CDH22: variants seen among roughly 807,000 people sequenced by gnomAD.
CDH22 encodes cadherin 22.
Under a neutral mutation model 58.4 loss-of-function variants are expected in CDH22, and 30 were observed. The observed-to-expected ratio is 0.51, with a 90% confidence interval of 0.38 to 0.70. The LOEUF is 0.70. Among genes scored for constraint, CDH22 ranks in the 30% least tolerant of loss-of-function variants. The pLI is 0.00. For missense variants in CDH22, 1,014 were observed against 1,233.9 expected (o/e 0.82, Z 2.67); for synonymous variants, 513 against 558.2 (o/e 0.92, Z 1.14).
At chr20:46,219,246 C>CT (rs1165744201) in intron 4 of CDH22, among the ~76,000 whole-genome samples, 1 of 152,222 alleles carries the variant, frequency 6.6e-6, no homozygotes, top group Non-Finnish European at 1.5e-5. Flanking sequence ...AGGCCCCCTC[C>CT]TGACCCCTTC....
Position 46,216,970 on chromosome 20 carries a change from C to T in CDH22, c.694G>A (p.Asp232Asn), listed in dbSNP as rs769728210. The stretch of plus-strand genomic sequence containing the variant: ...CGCTCCTGGCTCTCGCGGTCAAGGT[C>T]AGGCACAGCCGTCCGGATTACGCCT... ...KTGVIRTAVP[D>N]LDRESQERYE... Residue 232 changes from aspartate to asparagine, a missense_variant, in exon 5 of 12, where the codon GAC becomes AAC. Around this residue, in one of 2 missense-constraint regions of CDH22, gnomAD observed 806 missense variants for 1,038.7 expected, o/e 0.78. Transcript: ENST00000537909. The surrounding 1 kb of genome is among the most constrained non-coding windows in gnomAD (Gnocchi z 5.3). 5 of 1,599,402 alleles carry T rather than the reference C, an allele frequency of 3.1e-6. No individual in the cohort carries two copies. The South Asian group carries it at 3.3e-5, about 11-fold the overall frequency.
chr20:46,195,833 G>C (rs2085896471), intron 8 of CDH22, among the ~76,000 whole-genome samples: 2 of 152,218 alleles, frequency 1.3e-5, no homozygotes, highest in African/African-American at 4.8e-5. Context: ...AGTGGCTCGG[G>C]AGTCTTTGAG....
intron 8 of CDH22, among the ~76,000 whole-genome samples, chr20:46,189,092 G>C (rs2085845937): frequency 6.6e-6 from 1 of 152,186 alleles, no homozygotes; most frequent in South Asian, 2.1e-4. Context: ...TAGGAAGGCA[G>C]GTGCAGCCAC....
Position 46,238,810 on chromosome 20 carries a change from C to T in CDH22, c.550+2153G>A, listed in dbSNP as rs114755732. On this transcript the variant is annotated intron_variant, in intron 3 of 11. Transcript: ENST00000537909. ...TCACTTCCTGTTCACAGGCCACCTG[C>T]TTCTGCTCTTGCCCTCTTTTCTGCC... Among the ~76,000 whole-genome samples the T allele has an allele frequency of 3.9e-3, 595 of 152,370 alleles. 4 individuals carry two copies. The highest frequency in any genetic ancestry group is 0.014 in the African/African-American group (573 of 41,582).
chr20:46,184,116 T>TA (rs1359412714), intron 10 of CDH22, among the ~76,000 whole-genome samples: 16 of 150,666 alleles, frequency 1.1e-4, no homozygotes, highest in African/African-American at 3.9e-4. Context: ...TTTTTTTTTT[T>TA]AGATGGAGTT....
intron 3 of CDH22, among the ~76,000 whole-genome samples, chr20:46,229,042 T>C (rs932032695): frequency 1.4e-4 from 22 of 152,182 alleles, no homozygotes; most frequent in African/African-American, 5.3e-4. Context: ...TGCGCCTCTC[T>C]CTTTGGCCAC....
At chr20:46,265,595 A>G (rs2086455578) in intron 1 of CDH22, among the ~76,000 whole-genome samples, 1 of 151,964 alleles carries the variant, frequency 6.6e-6, no homozygotes, top group Non-Finnish European at 1.5e-5. Context: ...ATTTCTGACC[A>G]TCTTAGTTTA....
chr20:46,229,643 C>T (rs970694110), intron 3 of CDH22, among the ~76,000 whole-genome samples: 8 of 152,216 alleles, frequency 5.3e-5, no homozygotes, highest in African/African-American at 1.9e-4. Flanking sequence ...AGTGCCTGAA[C>T]CATGCCAAGA....
chr20:46,287,863 G>A lies in CDH22; in HGVS notation c.-400+20392C>T, dbSNP rs77776347. 8.9e-4 allele frequency among the ~76,000 whole-genome samples: 136 copies of A among 152,244 alleles called. 2 individuals are homozygous for A. In the East Asian group the frequency reaches 0.021, roughly 24 times the overall value. ...GGCTGAGAATGAAACACGGACATGG[G>A]AGAGGAGGATGTTGTCCAGGTGAAC... is the stretch of plus-strand genomic sequence containing the variant. On this transcript the variant is annotated intron_variant, in intron 1 of 11. Transcript: ENST00000537909.
In CDH22 at chr20:46,174,420, G is replaced by T; in HGVS notation, c.*86C>A. On this transcript the variant is annotated 3_prime_UTR_variant, in exon 12 of 12. Transcript: ENST00000537909. This position sits in a 1 kb window ranked among gnomAD's most constrained non-coding sequence, Gnocchi z 4.4. ...GGAGGGTTGGGGGAGGGCAGGAAAGGGGGTCCGCGGGGGAAACGCGTTGTC... is the reference window on the plus strand; with the variant it reads ...GGAGGGTTGGGGGAGGGCAGGAAAGTGGGTCCGCGGGGGAAACGCGTTGTC... 1.0e-6 allele frequency: 1 copy of T among 959,614 alleles called. No individual in the cohort carries two copies. The highest frequency in any genetic ancestry group is 1.9e-5 in the South Asian group (1 of 53,294). The allele number at this position is 959,614 out of a possible 1,614,324, so 59.4% of individuals were successfully genotyped here. A position where few individuals can be genotyped will look rare whatever the true frequency, so the allele number is the denominator to read the frequency against.
intron 7 of CDH22, among the ~76,000 whole-genome samples, chr20:46,208,094 C>T (rs180914405): frequency 2.1e-3 from 319 of 152,342 alleles, no homozygotes; most frequent in Admixed American, 3.3e-3. Flanking sequence ...ATGCCCAGCA[C>T]AGGGCTAGGC....
chr20:46,205,835 C>T (rs942521040), intron 7 of CDH22, among the ~76,000 whole-genome samples: 5 of 152,176 alleles, frequency 3.3e-5, no homozygotes, highest in Admixed American at 2.0e-4. Flanking sequence ...CAGCTGGTCT[C>T]GCTGCTCCTG....
At chr20:46,220,045 T>G (rs2086112669) in intron 4 of CDH22, 15 of 136,934 alleles carry the variant, frequency 1.1e-4, no homozygotes, top group South Asian at 2.3e-4. Flanking sequence ...AGAAAAGGAG[T>G]CCCAGGGAAA....
At chr20:46,180,926 T>G (rs1306478207) in intron 10 of CDH22, among the ~76,000 whole-genome samples, 2 of 142,494 alleles carry the variant, frequency 1.4e-5, no homozygotes, top group African/African-American at 5.3e-5. Flanking sequence ...AAAGTTTGTT[T>G]TGTGTGTGTG....
chr20:46,177,327 CT>C (rs1270473093), intron 11 of CDH22, among the ~76,000 whole-genome samples: 3 of 152,212 alleles, frequency 2.0e-5, no homozygotes, highest in African/African-American at 7.2e-5. Context: ...GCTTCTGAAA[CT>C]TGACCTCTTC....
intron 1 of CDH22, among the ~76,000 whole-genome samples, chr20:46,285,781 G>A (rs1386586912): frequency 6.6e-6 from 1 of 152,186 alleles, no homozygotes; most frequent in African/African-American, 2.4e-5. Context: ...TATACATTGT[G>A]CTCCTGTGAC....
At chr20:46,266,685 G>A (rs966563396) in intron 1 of CDH22, among the ~76,000 whole-genome samples, 21 of 152,212 alleles carry the variant, frequency 1.4e-4, no homozygotes, top group African/African-American at 4.6e-4. Context: ...AGTGGAGTAG[G>A]TTGGAGCTTG....
intron 1 of CDH22, among the ~76,000 whole-genome samples, chr20:46,302,599 G>T (rs921145786): frequency 2.6e-5 from 4 of 152,114 alleles, no homozygotes; most frequent in African/African-American, 9.7e-5. Flanking sequence ...CCTTGAGAGC[G>T]CCTCAAGATT....
In CDH22 at chr20:46,216,749, C is replaced by A; in HGVS notation, c.838+77G>T. 2.2e-6 allele frequency: 3 copies of A among 1,368,914 alleles called. No individual in the cohort carries two copies. Among genetic ancestry groups the A allele is most frequent in the South Asian group, 1.3e-5 (1 of 79,980 alleles). 84.8% of individuals were successfully genotyped at this position (1,368,914 alleles called of 1,614,324 possible). On this transcript the variant is annotated intron_variant, in intron 5 of 11. Coordinates refer to ENST00000537909, the MANE Select transcript of CDH22 (RefSeq NM_021248.3). The surrounding 1 kb of genome is among the most constrained non-coding windows in gnomAD (Gnocchi z 5.3). ...TTTTGGTGGGAAGTCTAAAGGGAAG[C>A]TGGGGTCAGCAGGTGGCTTGGATGG...
Sources: allele counts gnomAD v4.1 joint callset (sites outside exome capture counted in the v4.1 genomes callset), GRCh38; gene constraint gnomAD v4.1.1; regional missense constraint gnomAD v4.1.1; non-coding constraint Gnocchi (gnomAD v3.1); transcripts MANE v1.5; gene names NCBI Gene and HGNC (gene_info 2026-07-23, HGNC 2026-07-21).